TET3: variants seen among roughly 807,000 people sequenced by gnomAD.
TET3 encodes the protein tet methylcytosine dioxygenase 3.
A neutral mutation model predicts 141.4 loss-of-function variants in TET3; 19 were observed. The ratio of observed to expected loss-of-function variants is 0.13; its 90% CI spans 0.09 to 0.20. The LOEUF (loss-of-function observed/expected upper bound fraction) is 0.20. Ranked by LOEUF, TET3 falls within the 10% of genes least tolerant of loss-of-function variation. TET3 has a pLI of 1.00. For missense variants in TET3, 1,874 were observed against 2,356.9 expected (o/e 0.80, Z 4.24); for synonymous variants, 1,043 against 980.9 (o/e 1.06, Z -1.18).
At chr2:74,076,924 C>T (rs962602410) in intron 5 of TET3, among the ~76,000 whole-genome samples, 4 of 152,204 alleles carry the variant, frequency 2.6e-5, no homozygotes, top group African/African-American at 7.2e-5. Context: ...AGGTTGAAAG[C>T]AAATCCTAAA....
Position 74,102,801 on chromosome 2 carries a change from G to T in TET3, c.*625G>T, listed in dbSNP as rs1285450390. The T allele has an allele frequency of 6.6e-6, 1 of 152,150 alleles. No homozygotes were observed. The highest frequency in any genetic ancestry group is 1.5e-5 in the Non-Finnish European group (1 of 68,030). The allele number at this position is 152,150 out of a possible 1,614,324, so 9.4% of individuals were successfully genotyped here. On this transcript the variant is annotated 3_prime_UTR_variant, in exon 12 of 12. Transcript: ENST00000409262. Reference sequence around the variant, plus strand: ...ATACACCCCTTCCCTTTGGGGAAGGGAGCCTCAGGACAGCTTCTGTCCTCT... The same window carrying T: ...ATACACCCCTTCCCTTTGGGGAAGGTAGCCTCAGGACAGCTTCTGTCCTCT...
chr2:74,013,889 C>G (rs1558712049), intron 3 of TET3, among the ~76,000 whole-genome samples: 1 of 152,148 alleles, frequency 6.6e-6, no homozygotes, highest in African/African-American at 2.4e-5. Context: ...CCTCTACTCC[C>G]CATAACTAAT....
At chr2:74,094,295 C>T (rs1690678119) in intron 10 of TET3, among the ~76,000 whole-genome samples, 1 of 152,152 alleles carries the variant, frequency 6.6e-6, no homozygotes, top group South Asian at 2.1e-4. Flanking sequence ...AGCGTGTGTG[C>T]AGGCTCCGAG....
chr2:74,130,552 G>T, the TET3 span: 4 of 152,282 alleles, frequency 2.6e-5, no homozygotes, highest in Admixed American at 2.6e-4. Context: ...TGAACCGAGA[G>T]TGAGTGTCTT....
At chr2:74,126,783 G>T in the TET3 span, among the ~76,000 whole-genome samples, 2 of 152,102 alleles carry the variant, frequency 1.3e-5, no homozygotes, top group African/African-American at 2.4e-5. Flanking sequence ...GATTACAGGC[G>T]TGAGCCACCA....
chr2:74,080,471 A>T, intron 5 of TET3, 27 bp from the exon 6 acceptor site: 1 of 1,597,432 alleles, frequency 6.3e-7, no homozygotes, highest in Non-Finnish European at 8.6e-7. Context: ...CTGCTGTGCT[A>T]ATGGTGGCTT....
intron 7 of TET3, among the ~76,000 whole-genome samples, chr2:74,088,505 G>A (rs1690281989): frequency 6.6e-6 from 1 of 152,038 alleles, no homozygotes; most frequent in South Asian, 2.1e-4. Context: ...GTCAGGCGTG[G>A]TGGCACACAC....
At chr2:73,995,185 C>G (rs548530157) in intron 2 of TET3, among the ~76,000 whole-genome samples, 1 of 152,332 alleles carries the variant, frequency 6.6e-6, no homozygotes, top group East Asian at 1.9e-4. Flanking sequence ...ATCTTGAACT[C>G]CTGACCTCAG....
At chr2:73,987,789 CCAG>C (rs1264772666) in intron 2 of TET3, among the ~76,000 whole-genome samples, 2 of 152,196 alleles carry the variant, frequency 1.3e-5, no homozygotes, top group African/African-American at 2.4e-5. Flanking sequence ...AAAGCCTCTT[CCAG>C]CTGGGCTGGG....
intron 4 of TET3, among the ~76,000 whole-genome samples, chr2:74,049,646 T>G (rs554149294): frequency 4.2e-4 from 64 of 152,318 alleles, no homozygotes; most frequent in African/African-American, 1.4e-3. Flanking sequence ...AAAGGCTGTC[T>G]TCCCTACTTG....
At chr2:74,041,934 A>C (rs1433759962) in intron 3 of TET3, among the ~76,000 whole-genome samples, 2 of 151,972 alleles carry the variant, frequency 1.3e-5, no homozygotes, top group Non-Finnish European at 2.9e-5. Context: ...TAGCCTGTTG[A>C]CCTTTTGGCA....
At chr2:74,088,168 TA>T in intron 7 of TET3, 130 bp downstream of exon 7, 1 of 960,918 alleles carries the variant, frequency 1.0e-6, no homozygotes. Flanking sequence ...CCTGCACAGT[TA>T]GGACTGTGGT....
intron 2 of TET3, among the ~76,000 whole-genome samples, chr2:73,992,272 T>G (rs1684363911): frequency 2.0e-5 from 3 of 152,124 alleles, no homozygotes; most frequent in African/African-American, 7.2e-5. Flanking sequence ...CACCTGCAGA[T>G]GTGATTGCAA....
At chr2:73,994,095 A>G (rs1409398673) in intron 2 of TET3, among the ~76,000 whole-genome samples, 3 of 152,170 alleles carry the variant, frequency 2.0e-5, no homozygotes, top group African/African-American at 7.2e-5. Flanking sequence ...GTAAGACTCA[A>G]TGGGATTTAA....
intron 4 of TET3, among the ~76,000 whole-genome samples, chr2:74,052,556 CAAA>C (rs70965779): frequency 9.7e-5 from 9 of 92,372 alleles, no homozygotes; most frequent in Non-Finnish European, 1.3e-4. Flanking sequence ...TTCCTATAGC[CAAA>C]AAAAAAAAAA....
Position 73,992,392 on chromosome 2 carries a change from C to T in TET3, c.303+5686C>T, listed in dbSNP as rs565579663. ...GCAATGGCGTGATCTTAGCTCACTGCAACTTCCACCTCCCCGGTTCAAGCG... is the reference window on the plus strand; with the variant it reads ...GCAATGGCGTGATCTTAGCTCACTGTAACTTCCACCTCCCCGGTTCAAGCG... On this transcript the variant is annotated intron_variant, in intron 2 of 11. Transcript: ENST00000409262. Among the ~76,000 whole-genome samples, 7 of 151,688 alleles carry T rather than the reference C, an allele frequency of 4.6e-5. No individual in the cohort carries two copies. In the South Asian group the frequency reaches 6.2e-4, roughly 14 times the overall value.
chr2:74,016,654 G>A (rs1203678522), intron 3 of TET3, among the ~76,000 whole-genome samples: 2 of 151,966 alleles, frequency 1.3e-5, no homozygotes, highest in African/African-American at 4.8e-5. Context: ...CCTGGGAAGC[G>A]GAGGTTGCAG....
intron 4 of TET3, among the ~76,000 whole-genome samples, chr2:74,060,670 G>C (rs533377886): frequency 1.4e-4 from 21 of 152,020 alleles, no homozygotes; most frequent in Non-Finnish European, 2.4e-4. Context: ...AGGACCCTGC[G>C]GCCTTCCGCA....
chr2:74,030,764 G>A (rs1345195084), intron 3 of TET3, among the ~76,000 whole-genome samples: 1 of 152,104 alleles, frequency 6.6e-6, no homozygotes, highest in East Asian at 1.9e-4. Context: ...GAGGCAGGGG[G>A]CCAGTCAAGG....
Sources: gnomAD v4.1 joint callset for allele counts (sites outside exome capture counted in the v4.1 genomes callset) on GRCh38, gnomAD v4.1.1 for gene constraint, MANE v1.5 for transcripts, NCBI Gene and HGNC (gene_info 2026-07-23, HGNC 2026-07-21) for gene names.